The following DHRSX variants were observed in gnomAD, a reference collection of about 807,000 sequenced individuals.
The protein encoded by DHRSX is dehydrogenase/reductase X-linked.
In DHRSX, 31 loss-of-function variants were observed where a neutral mutation model predicts 34.0. That is an observed-to-expected ratio of 0.91 (90% CI 0.69 to 1.23). The LOEUF (loss-of-function observed/expected upper bound fraction) is 1.23, where lower values mean the gene tolerates loss of function less well. Among genes scored for constraint, DHRSX ranks in the 50% most tolerant of loss-of-function variants. The pLI is 0.00. For missense variants in DHRSX, 414 were observed against 428.1 expected (o/e 0.97, Z 0.29); for synonymous variants, 201 against 183.8 (o/e 1.09, Z -0.76).
intron 1 of DHRSX, among the ~76,000 whole-genome samples, chrX:2,498,664 T>A (rs2045341539): frequency 1.3e-5 from 2 of 150,520 alleles, no homozygotes; most frequent in African/African-American, 2.4e-5. Flanking sequence ...CTTTTTCTAA[T>A]GCACAAAGAG....
chrX:2,297,762 G>GTTTTTT (rs757257087), intron 3 of DHRSX, among the ~76,000 whole-genome samples: 4 of 144,770 alleles, frequency 2.8e-5, no homozygotes, highest in Admixed American at 6.9e-5. Context: ...GTCTTTTTGA[G>GTTTTTT]TTTTTTTTTT....
chrX:2,258,517 G>A (rs1371960802), intron 5 of DHRSX, among the ~76,000 whole-genome samples: 2 of 151,996 alleles, frequency 1.3e-5, no homozygotes, highest in African/African-American at 4.8e-5. Flanking sequence ...ACAGAGGGAT[G>A]ATCCTGTGAG....
intron 6 of DHRSX, among the ~76,000 whole-genome samples, chrX:2,227,448 G>C (rs768130997): frequency 4.4e-4 from 66 of 148,574 alleles, no homozygotes; most frequent in African/African-American, 1.6e-3. Flanking sequence ...AGAGAGAGAG[G>C]GAGGGAGGCA....
chrX:2,308,866 A>C (rs898120239), intron 3 of DHRSX, among the ~76,000 whole-genome samples: 9 of 149,004 alleles, frequency 6.0e-5, no homozygotes, highest in Non-Finnish European at 1.3e-4. Context: ...AAAGGGAAGG[A>C]GGAAAGGATG....
intron 1 of DHRSX, among the ~76,000 whole-genome samples, chrX:2,438,687 TG>T (rs1788155209): frequency 9.5e-6 from 1 of 105,238 alleles, no homozygotes; most frequent in Non-Finnish European, 2.0e-5. Flanking sequence ...AAAAAAAAAA[TG>T]GTCGTTCATT....
At chrX:2,227,415 G>C (rs763194220) in intron 6 of DHRSX, among the ~76,000 whole-genome samples, 1 of 150,230 alleles carries the variant, frequency 6.7e-6, no homozygotes, top group South Asian at 2.1e-4. Flanking sequence ...GAAGCATAAT[G>C]GGAGGGAAGG....
intron 2 of DHRSX, among the ~76,000 whole-genome samples, chrX:2,421,580 C>T (rs977557259): frequency 6.6e-6 from 1 of 152,192 alleles, no homozygotes; most frequent in Non-Finnish European, 1.5e-5. Context: ...GTCAAAGACT[C>T]CTGGGGATTC....
intron 5 of DHRSX, among the ~76,000 whole-genome samples, chrX:2,266,173 G>A (rs2041465015): frequency 1.4e-5 from 2 of 145,590 alleles, no homozygotes; most frequent in Admixed American, 1.4e-4. Context: ...GCAGATGCAG[G>A]GAGCACTGTC....
At chrX:2,326,347 A>C (rs1013634308) in intron 3 of DHRSX, among the ~76,000 whole-genome samples, 7 of 152,072 alleles carry the variant, frequency 4.6e-5, no homozygotes, top group Non-Finnish European at 1.0e-4. Context: ...ACATAGTGAA[A>C]CCCCGTCTCT....
intron 1 of DHRSX, among the ~76,000 whole-genome samples, chrX:2,483,789 CAA>C (rs111577835): frequency 0.022 from 2,472 of 110,324 alleles, 57 homozygotes; most frequent in East Asian, 0.1. Flanking sequence ...GAAAAAGTGG[CAA>C]AAAAAAAAAA....
Position 2,378,155 on chromosome X carries a change from G to A in DHRSX, c.286+30590C>T, listed in dbSNP as rs1482488697. The stretch of plus-strand genomic sequence containing the variant: ...TGGAAGGTTGTATTTCCACCCGGAT[G>A]TGTTGGCTTTCTGCTCCAGGAATGT... On this transcript the variant is annotated intron_variant, in intron 3 of 6. Coordinates refer to ENST00000334651, the MANE Select transcript of DHRSX (RefSeq NM_145177.3). 3.9e-5 allele frequency among the ~76,000 whole-genome samples: 6 copies of A among 152,266 alleles called. No individual in the cohort carries two copies. In the East Asian group the frequency reaches 1.2e-3, roughly 29 times the overall value.
chrX:2,251,941 G>T (rs761008005), intron 5 of DHRSX, among the ~76,000 whole-genome samples: 5 of 152,014 alleles, frequency 3.3e-5, no homozygotes, highest in African/African-American at 4.8e-5. Context: ...GCATAATAAA[G>T]AGATTGGAAG....
chrX:2,302,473 A>C (rs1602900991), intron 3 of DHRSX, among the ~76,000 whole-genome samples: 3 of 152,222 alleles, frequency 2.0e-5, no homozygotes, highest in South Asian at 4.2e-4. Flanking sequence ...CTAGCCGGGC[A>C]TGGGGTCAGG....
chrX:2,368,428 C>T (rs1451088626), intron 3 of DHRSX, among the ~76,000 whole-genome samples: 4 of 152,056 alleles, frequency 2.6e-5, no homozygotes, highest in East Asian at 3.9e-4. Context: ...TTATTCTCTG[C>T]GTCTTTCAAA....
At chrX:2,395,859 C>G (rs1371101674) in intron 3 of DHRSX, among the ~76,000 whole-genome samples, 1 of 152,138 alleles carries the variant, frequency 6.6e-6, no homozygotes, top group Non-Finnish European at 1.5e-5. Flanking sequence ...CCTCTATCAG[C>G]AATGCAACTA....
chrX:2,427,076 ATCT>A (rs1413973080), intron 1 of DHRSX, among the ~76,000 whole-genome samples: 1 of 152,258 alleles, frequency 6.6e-6, no homozygotes, highest in Non-Finnish European at 1.5e-5. Context: ...CAGATCTCAC[ATCT>A]TCCAGTTATG....
At chrX:2,487,373 G>C (rs1433731115) in intron 1 of DHRSX, 1 of 106,184 alleles carries the variant, frequency 9.4e-6, no homozygotes, top group Admixed American at 9.2e-5. Flanking sequence ...ACCCACTTTT[G>C]TTTTGTTTTG....
intron 3 of DHRSX, among the ~76,000 whole-genome samples, chrX:2,296,969 C>T (rs759946465): frequency 3.9e-4 from 41 of 106,182 alleles, no homozygotes; most frequent in Non-Finnish European, 5.5e-4. Context: ...CAGATAGACC[C>T]CAGGCAGACA....
At position 2,457,757 on chromosome X, in the gene DHRSX, C is replaced by T. The variant is rs1245644753; in HGVS notation, c.110-32453G>A. Reference sequence around the variant, plus strand: ...CCAAGGGACTGCCACCATGTACACACTGAAGACGTTCCCTAAGCATGTGGC... The same window carrying T: ...CCAAGGGACTGCCACCATGTACACATTGAAGACGTTCCCTAAGCATGTGGC... On this transcript the variant is annotated intron_variant, in intron 1 of 6. Transcript: ENST00000334651. Among the ~76,000 whole-genome samples the T allele has an allele frequency of 3.3e-5, 5 of 151,514 alleles. No homozygotes were observed. The East Asian group carries it at 9.8e-4, about 30-fold the overall frequency.
Sources: allele counts gnomAD v4.1 joint callset (sites outside exome capture counted in the v4.1 genomes callset), GRCh38; gene constraint gnomAD v4.1.1; transcripts MANE v1.5; gene names NCBI Gene and HGNC (gene_info 2026-07-23, HGNC 2026-07-21).